YPEL2: variants seen among roughly 807,000 people sequenced by gnomAD.
YPEL2 encodes protein yippee-like 2.
Under a neutral mutation model 19.1 loss-of-function variants are expected in YPEL2, and 2 were observed. The observed-to-expected ratio is 0.10, with a 90% CI of 0.04 to 0.33. The LOEUF (loss-of-function observed/expected upper bound fraction) is 0.33, where lower values mean the gene tolerates loss of function less well. Among genes scored for constraint, YPEL2 ranks in the 10% least tolerant of loss-of-function variants. The pLI is 1.00. For missense variants in YPEL2, 66 were observed against 140.7 expected, an observed-to-expected ratio of 0.47 and a Z score of 2.68; for synonymous variants, 52 against 50.0, an observed-to-expected ratio of 1.04 and a Z score of -0.17.
chr17:59,392,648 T>A (rs1482008158), intron 4 of YPEL2, among the ~76,000 whole-genome samples: 2 of 151,694 alleles, frequency 1.3e-5, no homozygotes, highest in Non-Finnish European at 2.9e-5. Context: ...GTAGCTGGGA[T>A]TACAGGTGTG....
intron 2 of YPEL2, among the ~76,000 whole-genome samples, chr17:59,386,161 AAT>A (rs1491361922): frequency 1.1e-5 from 1 of 91,986 alleles, no homozygotes; most frequent in East Asian, 4.4e-4. Flanking sequence ...TGTCTCTATA[AAT>A]TTTTTTTTTT....
Sources: gnomAD v4.1 joint callset for allele counts (sites outside exome capture counted in the v4.1 genomes callset) on GRCh38, gnomAD v4.1.1 for gene constraint, MANE v1.5 for transcripts, NCBI Gene and HGNC (gene_info 2026-07-23, HGNC 2026-07-21) for gene names.